Variants in ATAD2B observed in about 807,000 individuals in gnomAD.
The protein encoded by ATAD2B is ATPase family AAA domain-containing protein 2B.
In ATAD2B, 40 loss-of-function variants were observed where a neutral mutation model predicts 167.6. That is an observed-to-expected ratio of 0.24 (90% CI 0.19 to 0.31). The LOEUF (loss-of-function observed/expected upper bound fraction) is 0.31. Among genes scored for constraint, ATAD2B ranks in the 10% least tolerant of loss-of-function variants. The pLI is 1.00. For synonymous variants in ATAD2B, 579 were observed against 596.5 expected (o/e 0.97, Z 0.43); for missense variants, 1,242 against 1,757.2 (o/e 0.71, Z 5.24).
the ATAD2B span, among the ~76,000 whole-genome samples, chr2:23,699,671 A>G: frequency 6.6e-6 from 1 of 151,832 alleles, no homozygotes; most frequent in Admixed American, 6.6e-5. Context: ...AGATCTGTTC[A>G]ACCCAACCGT....
At chr2:23,867,049 T>G (rs1695243363) in intron 10 of ATAD2B, among the ~76,000 whole-genome samples, 3 of 152,224 alleles carry the variant, frequency 2.0e-5, no homozygotes, top group Admixed American at 2.0e-4. Flanking sequence ...ATGACCCGTA[T>G]TTGAATTTCT....
At chr2:23,788,454 G>T in intron 20 of ATAD2B, 58 bp downstream of exon 20, 1 of 1,556,386 alleles carries the variant, frequency 6.4e-7, no homozygotes. Context: ...CTGACTCCAA[G>T]AAAGGGTATT....
chr2:23,905,341 ACT>A, intron 1 of ATAD2B, among the ~76,000 whole-genome samples: 1 of 152,086 alleles, frequency 6.6e-6, no homozygotes, highest in Non-Finnish European at 1.5e-5. Context: ...AACAAAGGAG[ACT>A]CTGAGACTTG....
At chr2:23,874,135 C>A (rs190865450) in intron 8 of ATAD2B, among the ~76,000 whole-genome samples, 165 of 151,632 alleles carry the variant, frequency 1.1e-3, no homozygotes, top group Non-Finnish European at 1.6e-3. Flanking sequence ...TGCAGTGAGC[C>A]GAGATCACGT....
intron 13 of ATAD2B, among the ~76,000 whole-genome samples, chr2:23,834,780 C>T (rs575559518): frequency 3.9e-5 from 6 of 152,100 alleles, no homozygotes; most frequent in East Asian, 1.9e-4. Context: ...GGGCCAGGCG[C>T]GGTGGTGCAT....
At chr2:23,919,326 T>C (rs529490542) in intron 1 of ATAD2B, among the ~76,000 whole-genome samples, 4 of 151,320 alleles carry the variant, frequency 2.6e-5, no homozygotes, top group South Asian at 2.1e-4. Flanking sequence ...GTGGGTGGAC[T>C]GCTTAAGCCC....
chr2:23,692,935 C>T, the ATAD2B span, among the ~76,000 whole-genome samples: 1 of 152,282 alleles, frequency 6.6e-6, no homozygotes, highest in African/African-American at 2.4e-5. Flanking sequence ...TCAACCTCAG[C>T]GACAGTGTGA....
the ATAD2B span, chr2:23,703,979 T>C: frequency 8.4e-7 from 1 of 1,190,224 alleles, no homozygotes; most frequent in African/African-American, 1.5e-5. Context: ...CCCAGAGCAG[T>C]GGCCCTCCCC....
chr2:23,872,510 A>T, intron 8 of ATAD2B: 1 of 802,676 alleles, frequency 1.2e-6, no homozygotes, highest in Admixed American at 1.8e-5. Context: ...TCTTCATTCC[A>T]AAACGGCAGA....
At chr2:23,687,934 C>T in the ATAD2B span, among the ~76,000 whole-genome samples, 1 of 152,100 alleles carries the variant, frequency 6.6e-6, no homozygotes, top group East Asian at 1.9e-4. Flanking sequence ...AGAGCTGGGT[C>T]TCAGTGTCCT....
At chr2:23,708,039 C>T in the ATAD2B span, 1 of 152,316 alleles carries the variant, frequency 6.6e-6, no homozygotes, top group Non-Finnish European at 1.5e-5. Flanking sequence ...ACCAAATACA[C>T]ATTTACCACT....
chr2:23,807,903 TATA>T (rs1684740024), intron 18 of ATAD2B, among the ~76,000 whole-genome samples: 1 of 119,944 alleles, frequency 8.3e-6, no homozygotes, highest in Non-Finnish European at 1.8e-5. Context: ...TAATAAAATA[TATA>T]AATATAAATA....
chr2:23,865,423 G>C (rs1294741198), intron 10 of ATAD2B, among the ~76,000 whole-genome samples: 1 of 152,016 alleles, frequency 6.6e-6, no homozygotes, highest in Admixed American at 6.6e-5. Flanking sequence ...CAGCTACTTG[G>C]GAGGCTGAGG....
At chr2:23,742,644 T>C in the ATAD2B span, among the ~76,000 whole-genome samples, 18,006 of 151,414 alleles carry the variant, frequency 0.12, 1,148 homozygotes, top group Middle Eastern at 0.22. Flanking sequence ...ACATGGCACA[T>C]GTATACATAT....
chr2:23,753,336 T>C (rs115974264), intron 27 of ATAD2B, among the ~76,000 whole-genome samples: 346 of 152,302 alleles, frequency 2.3e-3, no homozygotes, highest in African/African-American at 8.2e-3. Flanking sequence ...GCAGAGACTT[T>C]GTCTTACTCA....
intron 18 of ATAD2B, among the ~76,000 whole-genome samples, chr2:23,798,694 C>T (rs1034733244): frequency 6.6e-6 from 1 of 152,060 alleles, no homozygotes; most frequent in Admixed American, 6.6e-5. Context: ...ACCTATGGCA[C>T]TCATGTGATA....
At chr2:23,744,606 G>A (rs141009801), downstream of ATAD2B, among the ~76,000 whole-genome samples, 1 of 152,226 alleles carries the variant, frequency 6.6e-6, no homozygotes, top group Non-Finnish European at 1.5e-5. Context: ...TGCTATCACT[G>A]TGGCCCATCT....
At chr2:23,678,698 G>T in the ATAD2B span, among the ~76,000 whole-genome samples, 2 of 152,252 alleles carry the variant, frequency 1.3e-5, no homozygotes, top group Admixed American at 1.3e-4. Context: ...AACAGTATGT[G>T]GTATCTACAT....
At chr2:23,841,756 T>G (rs1690951397) in intron 13 of ATAD2B, among the ~76,000 whole-genome samples, 1 of 152,154 alleles carries the variant, frequency 6.6e-6, no homozygotes, top group African/African-American at 2.4e-5. Context: ...GCTCAAGCAA[T>G]TCTCCCACCT....
Sources: gnomAD v4.1 joint callset for allele counts (sites outside exome capture counted in the v4.1 genomes callset) on GRCh38, gnomAD v4.1.1 for gene constraint, MANE v1.5 for transcripts, NCBI Gene and HGNC (gene_info 2026-07-23, HGNC 2026-07-21) for gene names.